Variants in COL4A5 observed in about 807,000 individuals in gnomAD.
COL4A5 encodes the protein collagen type IV alpha 5 chain.
In COL4A5, 26 loss-of-function variants were observed where a neutral mutation model predicts 130.2. That is an observed-to-expected ratio of 0.20 (90% CI 0.15 to 0.28). COL4A5 has a LOEUF of 0.28. Ranked by LOEUF, COL4A5 falls within the 10% of genes least tolerant of loss-of-function variation. COL4A5 has a pLI of 1.00. For synonymous variants in COL4A5, 496 were observed against 439.6 expected (o/e 1.13, Z -1.60); for missense variants, 1,131 against 1,344.3 (o/e 0.84, Z 2.48).
chrX:108,568,631 T>A lies in COL4A5; in HGVS notation c.279T>A (p.Gly93=), dbSNP rs1267904129. ...AAGGATTTTATTTCTTCTTATAGGG[T>A]CCTCCTGGACTTCCTGGATTTCCAG... The part of the protein sequence containing the change: ...PGPPGPKGIR[G]PPGLPGFPGT... The change falls in exon 5 of 53, where the codon GGT becomes GGA. Residue 93 remains glycine (G), a splice_region_variant and synonymous_variant. Coordinates refer to ENST00000328300, the MANE Select transcript of COL4A5 (RefSeq NM_033380.3). 1 of 1,182,724 alleles carries A rather than the reference T, an allele frequency of 8.5e-7. No individual in the cohort carries two copies. Among genetic ancestry groups the A allele is most frequent in the South Asian group, 1.8e-5 (1 of 56,266 alleles).
chrX:108,573,754 T>G (rs1051481041), intron 9 of COL4A5, 100 bp downstream of exon 9: 5 of 597,218 alleles, frequency 8.4e-6, no homozygotes, highest in African/African-American at 6.7e-5. Flanking sequence ...TCATAAAAAT[T>G]ATCATCAGAT....
chrX:108,515,107 T>TA (rs1351460597), intron 1 of COL4A5, among the ~76,000 whole-genome samples: 1 of 111,805 alleles, frequency 8.9e-6, no homozygotes, highest in African/African-American at 3.3e-5. Flanking sequence ...TATATACACT[T>TA]ACATAGTTTT....
intron 6 of COL4A5, among the ~76,000 whole-genome samples, chrX:108,571,026 T>C (rs940969756): frequency 1.8e-5 from 2 of 111,901 alleles, no homozygotes; most frequent in Admixed American, 1.9e-4. Context: ...TGAAATAGTT[T>C]ACAATAAAAG....
At position 108,548,165 on chromosome X, in the gene COL4A5, T is replaced by A. The variant is rs772526007; in HGVS notation, c.141+8360T>A. ...CAGTGAGGTGAACCTGGCACCTCAG[T>A]TGGAAATGCAGAAATTACCTGTCTT... is the stretch of plus-strand genomic sequence containing the variant. On this transcript the variant is annotated intron_variant, in intron 2 of 52. Transcript: ENST00000328300. Among the ~76,000 whole-genome samples, 4 of 111,737 alleles carry A rather than the reference T, an allele frequency of 3.6e-5. No individual in the cohort carries two copies. In the South Asian group the frequency reaches 1.5e-3, roughly 42 times the overall value.
At chrX:108,598,586 T>C (rs954044455) in intron 24 of COL4A5, 116 bp from the exon 25 acceptor site, 39 of 673,912 alleles carry the variant, frequency 5.8e-5, no homozygotes, top group South Asian at 4.1e-4. Context: ...CACTCACTTA[T>C]ATAGCTTTTA....
chrX:108,592,055 C>T (rs2066446105), intron 21 of COL4A5, among the ~76,000 whole-genome samples: 1 of 111,575 alleles, frequency 9.0e-6, no homozygotes, highest in African/African-American at 3.3e-5. Flanking sequence ...AAGCATAATC[C>T]AAATTTTCAT....
At position 108,626,309 on chromosome X, in the gene COL4A5, G is replaced by A; in HGVS notation, c.3206G>A (p.Gly1069Asp). 8.3e-7 allele frequency: 1 copy of A among 1,211,183 alleles called. No homozygotes were observed. Residue 1069 changes from glycine (G) to aspartate (D), a missense_variant, in exon 36 of 53, where the codon GGT (glycine) becomes GAT (aspartate). Transcript: ENST00000328300. ...PGQKGDKGDP[G>D]ISSIGLPGLP... ...CAGAAAGGCGACAAAGGTGATCCTG[G>A]TATTTCAAGCATTGGTCTTCCAGGT...
chrX:108,509,264 A>G (rs1260729946), intron 1 of COL4A5, among the ~76,000 whole-genome samples: 2 of 111,497 alleles, frequency 1.8e-5, no homozygotes, highest in Non-Finnish European at 3.8e-5. Flanking sequence ...AACAACACAC[A>G]ATGGGGTCTT....
intron 1 of COL4A5, among the ~76,000 whole-genome samples, chrX:108,526,681 C>CTT (rs762544658): frequency 1.1e-4 from 6 of 53,051 alleles, no homozygotes; most frequent in African/African-American, 4.4e-4. Context: ...CTCTTTCTTT[C>CTT]TTTCTTTCTT....
At chrX:108,660,430 GAC>G (rs2067933576) in intron 37 of COL4A5, among the ~76,000 whole-genome samples, 2 of 111,495 alleles carry the variant, frequency 1.8e-5, no homozygotes, top group South Asian at 7.3e-4. Flanking sequence ...TTTTGCTGGT[GAC>G]AAATTCTCTC....
chrX:108,687,596 C>A lies in COL4A5; in HGVS notation c.4430C>A (p.Thr1477Lys). Residue 1477 changes from threonine (T) to lysine (K), a missense_variant, in exon 49 of 53, where the codon ACG becomes AAG. Physicochemically the swap from Thr to Lys is moderately conservative, Grantham distance 78. Coordinates refer to ENST00000328300, the MANE Select transcript of COL4A5 (RefSeq NM_033380.3). The part of the protein sequence containing the change: ...GFLITRHSQT[T>K]DAPQCPQGTL... Reference sequence around the variant, plus strand: ...CTTATTACACGCCACAGCCAGACAACGGATGCACCACAATGCCCACAGGGA... The same window carrying A: ...CTTATTACACGCCACAGCCAGACAAAGGATGCACCACAATGCCCACAGGGA... 1 of 1,211,182 alleles carries A rather than the reference C, an allele frequency of 8.3e-7. No individual in the cohort carries two copies. Among genetic ancestry groups the A allele is most frequent in the Non-Finnish European group, 1.1e-6 (1 of 895,016 alleles).
chrX:108,494,979 G>A (rs937260633), intron 1 of COL4A5, among the ~76,000 whole-genome samples: 7 of 111,510 alleles, frequency 6.3e-5, no homozygotes, highest in Admixed American at 5.7e-4. Context: ...TATAGCTGTA[G>A]TTAATTAAAA....
intron 29 of COL4A5, among the ~76,000 whole-genome samples, chrX:108,612,772 T>C (rs1297615635): frequency 8.9e-6 from 1 of 112,036 alleles, no homozygotes; most frequent in Non-Finnish European, 1.9e-5. Context: ...TCTTCTAAAA[T>C]TTATATGGAA....
chrX:108,566,607 G>A (rs1032851245), intron 4 of COL4A5, among the ~76,000 whole-genome samples: 4 of 109,191 alleles, frequency 3.7e-5, no homozygotes, highest in African/African-American at 1.3e-4. Flanking sequence ...GGAGAGCAGT[G>A]GCGCGATCTT....
At chrX:108,450,704 G>C (rs1168850401) in intron 1 of COL4A5, among the ~76,000 whole-genome samples, 3 of 110,796 alleles carry the variant, frequency 2.7e-5, no homozygotes, top group South Asian at 7.7e-4. Context: ...GCTCTGCATA[G>C]GTCAGTGAAC....
chrX:108,452,733 G>A (rs1478663388), intron 1 of COL4A5, among the ~76,000 whole-genome samples: 5 of 111,844 alleles, frequency 4.5e-5, no homozygotes, highest in African/African-American at 1.6e-4. Context: ...GGGCTGAGAT[G>A]ATGGGGTTTT....
Position 108,686,115 on chromosome X carries a change from T to TGCCAGGACA in COL4A5, c.4308_4315+1dup. The stretch of plus-strand genomic sequence containing the variant: ...GGAGGGCGCAAAGGAGACCCAGGTC[T>TGCCAGGACA]GCCAGGACAGCCAGGTAAGACAAGT... On this transcript the variant is annotated inframe_insertion, in exon 48 of 53. Coordinates refer to ENST00000328300, the MANE Select transcript of COL4A5 (RefSeq NM_033380.3). 1.7e-6 allele frequency: 2 copies of TGCCAGGACA among 1,209,120 alleles called. No homozygotes were observed. Among genetic ancestry groups the TGCCAGGACA allele is most frequent in the Non-Finnish European group, 2.2e-6 (2 of 893,575 alleles).
intron 36 of COL4A5, 143 bp from the exon 37 acceptor site, chrX:108,655,188 T>G (rs1300530578): frequency 3.2e-6 from 2 of 619,394 alleles, no homozygotes; most frequent in African/African-American, 4.5e-5. Flanking sequence ...ACAGAACTGT[T>G]GTGATGATTA....
intron 1 of COL4A5, among the ~76,000 whole-genome samples, chrX:108,455,270 TA>T (rs2064572859): frequency 8.9e-6 from 1 of 112,273 alleles, no homozygotes; most frequent in Admixed American, 9.4e-5. Context: ...TGTGTGTCCA[TA>T]GTTTATTATT....
Sources: allele counts gnomAD v4.1 joint callset (sites outside exome capture counted in the v4.1 genomes callset), GRCh38; gene constraint gnomAD v4.1.1; transcripts MANE v1.5; gene names NCBI Gene and HGNC (gene_info 2026-07-23, HGNC 2026-07-21).